Variants in CEP128 observed in about 807,000 individuals in gnomAD.
CEP128 encodes centrosomal protein 128.
A neutral mutation model predicts 156.7 loss-of-function variants in CEP128; 132 were observed. The observed-to-expected ratio is 0.84, with a 90% CI of 0.73 to 0.97. The LOEUF is 0.97. Ranked by LOEUF, CEP128 falls within the 50% of genes least tolerant of loss-of-function variation. CEP128 has a pLI of 0.00. For synonymous variants in CEP128, 469 were observed against 448.9 expected (o/e 1.04, Z -0.57); for missense variants, 1,252 against 1,281.9 (o/e 0.98, Z 0.36).
intron 2 of CEP128, among the ~76,000 whole-genome samples, chr14:80,948,753 A>G (rs1886398234): frequency 6.6e-6 from 1 of 152,176 alleles, no homozygotes; most frequent in African/African-American, 2.4e-5. Flanking sequence ...TTTTCTCTTT[A>G]TTTAACCTGA....
Position 80,895,764 on chromosome 14 carries a change from A to G in CEP128, c.599T>C (p.Leu200Ser), listed in dbSNP as rs376553618. ...ATTAAGTTTTTCAGTCAATTCTTCCAAAGCCCTTTTTGTTTCGGCATCTGA... is the reference window on the plus strand; with the variant it reads ...ATTAAGTTTTTCAGTCAATTCTTCCGAAGCCCTTTTTGTTTCGGCATCTGA... Reference protein sequence around the residue: ...SRSDAETKRALEELTEKLNEA... With the variant: ...SRSDAETKRASEELTEKLNEA... Residue 200 changes from leucine (L) to serine (S), a missense_variant, in exon 8 of 25, where the codon TTG becomes TCG. Transcript: ENST00000555265. 1 of 1,562,780 alleles carries G rather than the reference A, an allele frequency of 6.4e-7. No homozygotes were observed. The highest frequency in any genetic ancestry group is 8.7e-7 in the Non-Finnish European group (1 of 1,153,450).
At chr14:80,555,580 T>C (rs539281794) in intron 21 of CEP128, among the ~76,000 whole-genome samples, 1 of 152,248 alleles carries the variant, frequency 6.6e-6, no homozygotes, top group East Asian at 1.9e-4. Flanking sequence ...TTGTCACAAG[T>C]TAATTTTATA....
At chr14:80,573,300 T>C (rs1239027073) in intron 20 of CEP128, among the ~76,000 whole-genome samples, 2 of 152,150 alleles carry the variant, frequency 1.3e-5, no homozygotes, top group Admixed American at 1.3e-4. Context: ...AAGACTATGC[T>C]TTGATTTTCC....
intron 15 of CEP128, among the ~76,000 whole-genome samples, chr14:80,779,675 A>C (rs2139778847): frequency 6.6e-6 from 1 of 152,332 alleles, no homozygotes; most frequent in East Asian, 1.9e-4. Context: ...AGGGGTATTC[A>C]GAACCCCCAA....
intron 21 of CEP128, among the ~76,000 whole-genome samples, chr14:80,545,454 T>G (rs1168776742): frequency 6.6e-6 from 1 of 152,234 alleles, no homozygotes; most frequent in Non-Finnish European, 1.5e-5. Flanking sequence ...ACTGTTTATA[T>G]AGTTTCCAAA....
intron 13 of CEP128, among the ~76,000 whole-genome samples, chr14:80,802,503 C>T (rs575923202): frequency 2.5e-3 from 358 of 143,612 alleles, no homozygotes; most frequent in Non-Finnish European, 4.3e-3. Flanking sequence ...CACATGGACA[C>T]AGAAAGAGGA....
chr14:80,842,318 C>T (rs1048111299), intron 9 of CEP128, among the ~76,000 whole-genome samples: 5 of 151,962 alleles, frequency 3.3e-5, no homozygotes, highest in African/African-American at 1.2e-4. Flanking sequence ...TACTACATTT[C>T]CACTATATCA....
chr14:80,888,390 T>C (rs532130249), intron 8 of CEP128, among the ~76,000 whole-genome samples: 1 of 152,324 alleles, frequency 6.6e-6, no homozygotes, highest in African/African-American at 2.4e-5. Flanking sequence ...AGTAAAATAC[T>C]GGCAAACCAA....
chr14:80,609,531 T>C (rs1470542089), intron 19 of CEP128, among the ~76,000 whole-genome samples: 1 of 152,188 alleles, frequency 6.6e-6, no homozygotes, highest in East Asian at 1.9e-4. Context: ...ATTTGCACTT[T>C]GCTTCATCAG....
chr14:80,513,877 T>G (rs1018419833), intron 23 of CEP128, among the ~76,000 whole-genome samples: 1 of 152,234 alleles, frequency 6.6e-6, no homozygotes, highest in Non-Finnish European at 1.5e-5. Context: ...AATCTGCGTC[T>G]GTGAAGAATC....
upstream of CEP128, among the ~76,000 whole-genome samples, chr14:80,946,017 C>CA (rs1229923400): frequency 6.6e-6 from 1 of 152,182 alleles, no homozygotes; most frequent in Non-Finnish European, 1.5e-5. Context: ...TGCCTATCAG[C>CA]AATGTTACTT....
chr14:80,569,102 T>C (rs7159763), intron 20 of CEP128, among the ~76,000 whole-genome samples: 86,136 of 151,964 alleles, frequency 0.57, 24,715 homozygotes, highest in East Asian at 0.72. Context: ...TATCTTAAAG[T>C]AATTGAAAAT....
At chr14:80,744,735 T>C (rs768541479) in intron 18 of CEP128, among the ~76,000 whole-genome samples, 4 of 152,154 alleles carry the variant, frequency 2.6e-5, no homozygotes, top group Non-Finnish European at 5.9e-5. Context: ...GATGGGCAGA[T>C]CACCAGGATT....
chr14:80,914,229 G>T, intron 4 of CEP128, 93 bp downstream of exon 4: 1 of 844,766 alleles, frequency 1.2e-6, no homozygotes, highest in Non-Finnish European at 2.0e-6. Context: ...ACTTCACAAT[G>T]GTTTTTTCCT....
intron 16 of CEP128, among the ~76,000 whole-genome samples, chr14:80,770,560 T>C (rs1043422433): frequency 7.9e-5 from 12 of 152,214 alleles, no homozygotes; most frequent in African/African-American, 1.2e-4. Context: ...TGTGATTCAA[T>C]TAAACATACT....
At position 80,774,454 on chromosome 14, in the gene CEP128, T is replaced by C. The variant is rs193275980; in HGVS notation, c.2376+3428A>G. Among the ~76,000 whole-genome samples, 578 of 152,324 alleles carry C rather than the reference T, an allele frequency of 3.8e-3. 7 individuals are homozygous for C. Among genetic ancestry groups the C allele is most frequent in the African/African-American group, 0.013 (560 of 41,580 alleles). The stretch of plus-strand genomic sequence containing the variant: ...CATAAGGCCTCATTTATCAAATTCA[T>C]TGCATTGCTTACATGGTAATCTTCA... On this transcript the variant is annotated intron_variant, in intron 16 of 24. Coordinates refer to ENST00000555265, the MANE Select transcript of CEP128 (RefSeq NM_152446.5).
At chr14:80,787,454 A>G (rs1222914695) in intron 14 of CEP128, among the ~76,000 whole-genome samples, 1 of 152,040 alleles carries the variant, frequency 6.6e-6, no homozygotes. Flanking sequence ...CCTTCTCTCA[A>G]TAGCCAGAAA....
intron 7 of CEP128, 24 bp downstream of exon 7, chr14:80,899,914 A>G (rs774123145): frequency 1.7e-5 from 26 of 1,525,606 alleles, no homozygotes; most frequent in Admixed American, 1.2e-4. Flanking sequence ...TATCCCTCCC[A>G]TAAAAACCAT....
At chr14:80,890,154 T>G (rs951600416) in intron 8 of CEP128, among the ~76,000 whole-genome samples, 1 of 112,374 alleles carries the variant, frequency 8.9e-6, no homozygotes, top group African/African-American at 3.7e-5. Context: ...TGTGGAGAAA[T>G]AGGAACATTT....
Sources: allele counts gnomAD v4.1 joint callset (sites outside exome capture counted in the v4.1 genomes callset), GRCh38; gene constraint gnomAD v4.1.1; transcripts MANE v1.5; gene names NCBI Gene and HGNC (gene_info 2026-07-23, HGNC 2026-07-21).